The following SNX6 variants were observed in gnomAD, a reference collection of about 807,000 sequenced individuals.
The protein encoded by SNX6 is sorting nexin 6.
Under a neutral mutation model 63.0 loss-of-function variants are expected in SNX6, and 34 were observed. The observed-to-expected ratio is 0.54, with a 90% CI of 0.41 to 0.72. SNX6 has a LOEUF of 0.72. SNX6 is among the 30% of genes least tolerant of loss of function. The pLI is 0.00. For missense variants in SNX6, 398 were observed against 471.4 expected, an observed-to-expected ratio of 0.84 and a Z score of 1.44; for synonymous variants, 170 against 164.2, an observed-to-expected ratio of 1.04 and a Z score of -0.27.
At chr14:34,629,692 G>A in intron 2 of SNX6, 1 of 796,802 alleles carries the variant, frequency 1.3e-6, no homozygotes, top group South Asian at 1.5e-5. Flanking sequence ...CGGGGGACAA[G>A]AAAGCGGCCG....
At chr14:34,610,759 G>A (rs566427047) in intron 2 of SNX6, among the ~76,000 whole-genome samples, 267 of 151,920 alleles carry the variant, frequency 1.8e-3, no homozygotes, top group African/African-American at 6.2e-3. Flanking sequence ...ACTTGTTTGG[G>A]TAATTTTGAG....
intron 6 of SNX6, among the ~76,000 whole-genome samples, chr14:34,602,548 G>T (rs867548601): frequency 6.8e-6 from 1 of 147,824 alleles, no homozygotes; most frequent in African/African-American, 2.5e-5. Flanking sequence ...CCAAGATTGC[G>T]CCACGGCACT....
rs752153327 is a variant in SNX6, at chr14:34,567,956, G to A, written c.979C>T (p.Leu327=). 6.2e-7 allele frequency: 1 copy of A among 1,612,574 alleles called. No homozygotes were observed. Among genetic ancestry groups the A allele is most frequent in the Admixed American group, 1.7e-5 (1 of 59,980 alleles). ...LVDYENANKA[L]DKARAKNKDV... ...TTATTTTTTGCTCTTGCTTTATCCA[G>A]TGCTTTATTAGCATTTTCATAATCC... Residue 327 remains leucine (L), a synonymous_variant, in exon 12 of 14, where the codon CTG becomes TTG. Transcript: ENST00000362031.
chr14:34,571,833 G>C (rs1372501752), intron 11 of SNX6, among the ~76,000 whole-genome samples: 1 of 152,302 alleles, frequency 6.6e-6, no homozygotes, highest in East Asian at 1.9e-4. Context: ...GTGAACACCT[G>C]TATGGACATA....
intron 2 of SNX6, among the ~76,000 whole-genome samples, chr14:34,625,324 A>C (rs1361939634): frequency 6.6e-6 from 1 of 152,198 alleles, no homozygotes; most frequent in East Asian, 1.9e-4. Context: ...CAATGTAAGG[A>C]AATTTAAACA....
intron 9 of SNX6, among the ~76,000 whole-genome samples, chr14:34,584,597 T>TAC (rs1257546997): frequency 2.6e-5 from 4 of 151,944 alleles, no homozygotes; most frequent in Non-Finnish European, 5.9e-5. Flanking sequence ...CATACATACA[T>TAC]ACATATATAT....
At chr14:34,599,776 A>AG (rs1260778080) in intron 6 of SNX6, among the ~76,000 whole-genome samples, 1 of 150,488 alleles carries the variant, frequency 6.6e-6, no homozygotes, top group Non-Finnish European at 1.5e-5. Flanking sequence ...TCTGTCTCAA[A>AG]AAAAAAAAAA....
chr14:34,627,305 G>A (rs1883864259), intron 2 of SNX6, among the ~76,000 whole-genome samples: 2 of 152,148 alleles, frequency 1.3e-5, no homozygotes, highest in Non-Finnish European at 2.9e-5. Context: ...AAATTAGCCA[G>A]GTGCGGTGGC....
intron 8 of SNX6, among the ~76,000 whole-genome samples, chr14:34,592,246 C>T (rs532179639): frequency 1.2e-4 from 18 of 151,964 alleles, no homozygotes; most frequent in Non-Finnish European, 2.1e-4. Context: ...ATTAGCCAGG[C>T]GCGGTGGCAG....
At chr14:34,583,530 T>C (rs542771351) in intron 9 of SNX6, among the ~76,000 whole-genome samples, 13 of 151,178 alleles carry the variant, frequency 8.6e-5, no homozygotes, top group Admixed American at 1.3e-4. Context: ...AGCAAGAGGA[T>C]TGCTTGAGCA....
chr14:34,575,196 ATTTTTT>A (rs34881787), intron 11 of SNX6, among the ~76,000 whole-genome samples: 1 of 111,030 alleles, frequency 9.0e-6, no homozygotes, highest in African/African-American at 3.2e-5. Flanking sequence ...CCTGGCCTCA[ATTTTTT>A]TTTTTTTTTT....
intron 11 of SNX6, chr14:34,568,802 C>T: frequency 3.0e-6 from 3 of 997,120 alleles, no homozygotes; most frequent in South Asian, 1.3e-5. Context: ...ATTTTTAGCC[C>T]CTCCAGGGCT....
intron 9 of SNX6, among the ~76,000 whole-genome samples, chr14:34,585,239 C>T (rs1882106278): frequency 6.6e-6 from 1 of 152,044 alleles, no homozygotes; most frequent in South Asian, 2.1e-4. Flanking sequence ...GTATTGTTGG[C>T]CGGGAGAAGT....
At chr14:34,581,395 G>A (rs1461597525) in intron 10 of SNX6, among the ~76,000 whole-genome samples, 166 bp downstream of exon 10, 2 of 152,046 alleles carry the variant, frequency 1.3e-5, no homozygotes, top group African/African-American at 4.8e-5. Flanking sequence ...CTCGTGATCC[G>A]CCCCACTTGG....
chr14:34,571,844 T>G (rs113393445), intron 11 of SNX6, among the ~76,000 whole-genome samples: 1 of 152,198 alleles, frequency 6.6e-6, no homozygotes, highest in Non-Finnish European at 1.5e-5. Context: ...TATGGACATA[T>G]GCTTTCATTT....
chr14:34,576,454 T>A (rs201695058), intron 10 of SNX6, among the ~76,000 whole-genome samples: 1,081 of 5,892 alleles, frequency 0.18, 15 homozygotes, highest in African/African-American at 0.32. Flanking sequence ...ATATATATAT[T>A]TTTTTTTTTT....
chr14:34,577,856 G>A (rs1881772002), intron 10 of SNX6, among the ~76,000 whole-genome samples: 1 of 152,104 alleles, frequency 6.6e-6, no homozygotes, highest in African/African-American at 2.4e-5. Context: ...ATGCATAAAG[G>A]ACACAGAATG....
intron 9 of SNX6, among the ~76,000 whole-genome samples, chr14:34,585,666 G>C (rs1004184062): frequency 1.3e-5 from 2 of 151,962 alleles, no homozygotes; most frequent in Admixed American, 1.3e-4. Context: ...CATGATCTTG[G>C]CTCACTGCAA....
At chr14:34,627,400 T>G (rs1230275936) in intron 2 of SNX6, among the ~76,000 whole-genome samples, 1 of 151,678 alleles carries the variant, frequency 6.6e-6, no homozygotes, top group Non-Finnish European at 1.5e-5. Flanking sequence ...TGAGCCAAGA[T>G]AGCACCACTG....
Sources: gnomAD v4.1 joint callset for allele counts (sites outside exome capture counted in the v4.1 genomes callset) on GRCh38, gnomAD v4.1.1 for gene constraint, MANE v1.5 for transcripts, NCBI Gene and HGNC (gene_info 2026-07-23, HGNC 2026-07-21) for gene names.